KIF11: variants seen among roughly 807,000 people sequenced by gnomAD.
The protein encoded by KIF11 is kinesin family member 11, also known as kinesin-like protein KIF11.
KIF11 carries 9 observed loss-of-function variants against 121.0 expected under a neutral mutation model. The observed-to-expected ratio is 0.07, with a 90% confidence interval of 0.04 to 0.13. KIF11 has a LOEUF of 0.13. KIF11 is among the 10% of genes least tolerant of loss of function. KIF11 has a pLI of 1.00. For missense variants in KIF11, 846 were observed against 1,217.5 expected (o/e 0.69, Z 4.54); for synonymous variants, 408 against 421.0 (o/e 0.97, Z 0.38).
intron 16 of KIF11, among the ~76,000 whole-genome samples, chr10:92,638,182 C>T (rs1215721312): frequency 6.6e-6 from 1 of 152,110 alleles, no homozygotes; most frequent in African/African-American, 2.4e-5. Context: ...ATTAAATGAG[C>T]TTATTATAAT....
At position 92,637,429 on chromosome 10, in the gene KIF11, C is replaced by G. The variant is rs141856144; in HGVS notation, c.2044C>G (p.Leu682Val). ...KKELDGFLSI[L>V]CNNLHELQEN... ...GGAACTAGATGGCTTTCTCAGTATACTGTGTAACAATCTACATGAACTACA... is the reference window on the plus strand; with the variant it reads ...GGAACTAGATGGCTTTCTCAGTATAGTGTGTAACAATCTACATGAACTACA... The change falls in exon 16 of 22, where the codon CTG (leucine) becomes GTG (valine). Residue 682 changes from leucine to valine, a missense_variant. This residue lies in a region of KIF11 where 492 missense variants were observed against 603.4 expected (regional missense o/e 0.82). Coordinates refer to ENST00000260731, the MANE Select transcript of KIF11 (RefSeq NM_004523.4). The G allele has an allele frequency of 2.1e-4, 342 of 1,596,928 alleles. 2 individuals carry two copies. The African/African-American group carries it at 4.0e-3, about 19-fold the overall frequency.
chr10:92,643,555 ATTT>A (rs368633432), intron 17 of KIF11, among the ~76,000 whole-genome samples: 3 of 123,454 alleles, frequency 2.4e-5, no homozygotes, highest in Non-Finnish European at 3.3e-5. Flanking sequence ...TATCTACTAG[ATTT>A]TTTTTTTTTT....
intron 1 of KIF11, among the ~76,000 whole-genome samples, chr10:92,605,672 GAC>G (rs1333154414): frequency 6.6e-6 from 1 of 152,042 alleles, no homozygotes; most frequent in East Asian, 1.9e-4. Flanking sequence ...TTTTAATAGA[GAC>G]AGAGTTTCTG....
intron 17 of KIF11, 80 bp from the exon 18 acceptor site, chr10:92,645,283 G>A (rs544168189): frequency 1.9e-6 from 2 of 1,031,768 alleles, no homozygotes; most frequent in Non-Finnish European, 1.4e-6. Context: ...TGCCACTTAA[G>A]AGCTGAGTGA....
chr10:92,642,461 T>G (rs147389647), intron 17 of KIF11, among the ~76,000 whole-genome samples: 142 of 152,384 alleles, frequency 9.3e-4, no homozygotes, highest in Non-Finnish European at 1.5e-3. Context: ...TGTGTCACTT[T>G]GATCAAGTTG....
At position 92,633,638 on chromosome 10, in the gene KIF11, C is replaced by T; in HGVS notation, c.1718C>T (p.Ser573Phe). Residue 573 changes from serine (S) to phenylalanine (F), a missense_variant, in exon 14 of 22, where the codon TCC (serine) becomes TTC (phenylalanine). This residue lies in a region of KIF11 where 492 missense variants were observed against 603.4 expected (regional missense o/e 0.82). Coordinates refer to ENST00000260731, the MANE Select transcript of KIF11 (RefSeq NM_004523.4). ...HKTLFGNLLSSSVSALDTITT... is the reference protein window; with the variant it reads ...HKTLFGNLLSFSVSALDTITT... ...TTTGTTATAGGTAATCTGCTGTCTT[C>T]CAGTGTCTCTGCATTAGATACCATT... 6.2e-7 allele frequency: 1 copy of T among 1,605,208 alleles called. No homozygotes were observed. Among genetic ancestry groups the T allele is most frequent in the Non-Finnish European group, 8.5e-7 (1 of 1,174,328 alleles).
Position 92,628,830 on chromosome 10 carries a change from G to A in KIF11, c.1240G>A (p.Val414Ile). The A allele has an allele frequency of 1.3e-6, 2 of 1,599,868 alleles. No homozygotes were observed. The highest frequency in any genetic ancestry group is 1.7e-6 in the Non-Finnish European group (2 of 1,169,372). Reference sequence around the variant, plus strand: ...TAGAGTCATGAGTGGAAAATTAACTGTTCAAGAAGAGCAGATTGTAGAATT... The same window carrying A: ...TAGAGTCATGAGTGGAAAATTAACTATTCAAGAAGAGCAGATTGTAGAATT... ...NFRVMSGKLT[V>I]QEEQIVELIE... is the part of the protein sequence containing the mutation. The change falls in exon 11 of 22, where the codon GTT (valine) becomes ATT (isoleucine). Residue 414 changes from valine (V) to isoleucine (I), a missense_variant. By Grantham distance (29) the Val-to-Ile change is conservative. This residue lies in a region of KIF11 where 95 missense variants were observed against 109.3 expected (regional missense o/e 0.87). Transcript: ENST00000260731.
intron 10 of KIF11, among the ~76,000 whole-genome samples, chr10:92,628,041 G>A (rs1844698333): frequency 6.6e-6 from 1 of 152,188 alleles, no homozygotes; most frequent in African/African-American, 2.4e-5. Flanking sequence ...GCTGTCAATG[G>A]AAGTGGTGTT....
chr10:92,605,023 AAAGAT>A (rs1477357107), intron 1 of KIF11, among the ~76,000 whole-genome samples: 2 of 152,106 alleles, frequency 1.3e-5, no homozygotes, highest in East Asian at 3.8e-4. Flanking sequence ...ATTAAAAAAA[AAAGAT>A]AAGAGAGGTG....
chr10:92,635,083 G>A (rs917887211), intron 14 of KIF11, among the ~76,000 whole-genome samples: 5 of 152,142 alleles, frequency 3.3e-5, no homozygotes, highest in Admixed American at 6.5e-5. Flanking sequence ...GGTCTAGGAA[G>A]TTCTTAGCCA....
chr10:92,594,591 T>A (rs1435482237), intron 1 of KIF11, among the ~76,000 whole-genome samples: 1 of 152,254 alleles, frequency 6.6e-6, no homozygotes, highest in Non-Finnish European at 1.5e-5. Flanking sequence ...TCTTTTTTAA[T>A]GTTAGTTACA....
intron 1 of KIF11, chr10:92,596,977 T>C: frequency 2.7e-6 from 1 of 375,816 alleles, no homozygotes; most frequent in Non-Finnish European, 5.4e-6. Context: ...AAGTCCAGGC[T>C]GTAGATACCA....
rs957317466 is a variant in KIF11, at chr10:92,609,587, G to A, written c.698+78G>A. 1.1e-5 allele frequency: 16 copies of A among 1,436,750 alleles called. No individual in the cohort carries two copies. The African/African-American group carries it at 2.3e-4, about 20-fold the overall frequency. 89.0% of individuals were successfully genotyped at this position (1,436,750 alleles called of 1,614,324 possible). On this transcript the variant is annotated intron_variant, in intron 6 of 21. Coordinates refer to ENST00000260731, the MANE Select transcript of KIF11 (RefSeq NM_004523.4). ...GGAACTTGGAGAAAGTCAAATTGGG[G>A]TGGGTCAGGGTATGTGGGTCACGTA...
chr10:92,619,691 T>C (rs1220440363), intron 9 of KIF11, among the ~76,000 whole-genome samples: 1 of 152,098 alleles, frequency 6.6e-6, no homozygotes, highest in Non-Finnish European at 1.5e-5. Context: ...TGGTAGGTGA[T>C]AGATATCTCA....
chr10:92,613,997 TAAA>T lies in KIF11; in HGVS notation c.1032+385_1032+387del. 1.7e-5 allele frequency among the ~76,000 whole-genome samples: 2 copies of T among 117,946 alleles called. No individual in the cohort carries two copies. The highest frequency in any genetic ancestry group is 9.2e-3 in the Middle Eastern group (2 of 218). 77.4% of individuals were successfully genotyped at this position (117,946 alleles called of 152,430 possible). A position where few individuals can be genotyped will look rare whatever the true frequency, so the allele number is the denominator to read the frequency against. ...TCTCAAAAAAAAAAAAGTATGTGTA[TAAA>T]AAAAAAGAAAAGTATGTGTATACAC... On this transcript the variant is annotated intron_variant, in intron 8 of 21. Coordinates refer to ENST00000260731, the MANE Select transcript of KIF11 (RefSeq NM_004523.4). This position sits in a 1 kb window ranked among gnomAD's most constrained non-coding sequence, Gnocchi z 4.2.
chr10:92,634,145 G>T (rs534174743), intron 14 of KIF11, among the ~76,000 whole-genome samples: 3 of 151,678 alleles, frequency 2.0e-5, no homozygotes, highest in Non-Finnish European at 4.4e-5. Context: ...CACCACACCC[G>T]GCTAATTTTT....
In KIF11 at chr10:92,593,347, CG is replaced by C; in HGVS notation, c.-26del. 1 of 1,592,148 alleles carries C rather than the reference CG, an allele frequency of 6.3e-7. No homozygotes were observed. Among genetic ancestry groups the C allele is most frequent in the Non-Finnish European group, 8.5e-7 (1 of 1,170,284 alleles). ...CCCTCACAGCGCCCAGGTCCGCGGC[CG>C]GGCCTTGATTTTTTGGCGGGGACCG... On this transcript the variant is annotated 5_prime_UTR_variant, in exon 1 of 22. Coordinates refer to ENST00000260731, the MANE Select transcript of KIF11 (RefSeq NM_004523.4).
intron 17 of KIF11, among the ~76,000 whole-genome samples, chr10:92,643,608 G>A (rs1363144054): frequency 1.4e-5 from 2 of 144,740 alleles, no homozygotes; most frequent in African/African-American, 2.7e-5. Flanking sequence ...CCAGGCTGGA[G>A]TGCAGTGGTG....
rs1324544515 is a variant in KIF11, at chr10:92,648,397, C to T, written c.2733C>T (p.Cys911=). The T allele has an allele frequency of 6.2e-7, 1 of 1,608,822 alleles. No homozygotes were observed. Among genetic ancestry groups the T allele is most frequent in the Non-Finnish European group, 8.5e-7 (1 of 1,177,350 alleles). The change falls in exon 19 of 22, where the codon TGC becomes TGT. Residue 911 remains cysteine (C), a synonymous_variant. Transcript: ENST00000260731. ...TIKIGLTKLN[C]FLEQDLKLDI... Reference sequence around the variant, plus strand: ...AAATTGGTTTGACTAAGCTTAATTGCTTTCTGGAACAGGATCTGAAACTGG... The same window carrying T: ...AAATTGGTTTGACTAAGCTTAATTGTTTTCTGGAACAGGATCTGAAACTGG...
Sources: gnomAD v4.1 joint callset for allele counts (sites outside exome capture counted in the v4.1 genomes callset) on GRCh38, gnomAD v4.1.1 for gene constraint, gnomAD v4.1.1 regional missense constraint, Gnocchi (gnomAD v3.1) non-coding constraint, MANE v1.5 for transcripts, NCBI Gene and HGNC (gene_info 2026-07-23, HGNC 2026-07-21) for gene names.